LTF: variants seen among roughly 807,000 people sequenced by gnomAD.
LTF encodes epididymis luminal protein 110.
In LTF, 91 loss-of-function variants were observed where a neutral mutation model predicts 87.2. That is an observed-to-expected ratio of 1.04 (90% CI 0.88 to 1.24). The LOEUF (loss-of-function observed/expected upper bound fraction) is 1.24, where lower values mean the gene tolerates loss of function less well. LTF is among the 50% of genes most tolerant of loss of function. The pLI is 0.00. For missense variants in LTF, 901 were observed against 904.3 expected (o/e 1.00, Z 0.05); for synonymous variants, 378 against 356.1 (o/e 1.06, Z -0.69).
At chr3:46,458,660 C>T (rs1474350359) in intron 2 of LTF, among the ~76,000 whole-genome samples, 4 of 152,178 alleles carry the variant, frequency 2.6e-5, no homozygotes, top group South Asian at 2.1e-4. Flanking sequence ...CTGCAACCTC[C>T]CCCTCCCGGG....
chr3:46,462,527 T>TAAATA (rs1402777410), intron 1 of LTF, among the ~76,000 whole-genome samples: 5 of 152,176 alleles, frequency 3.3e-5, no homozygotes, highest in Non-Finnish European at 5.9e-5. Context: ...CTCTTACCAC[T>TAAATA]GGGCTAGCCT....
rs550410241 is a variant in LTF, at chr3:46,437,918, A to T, written c.2098+22T>A. On this transcript the variant is annotated intron_variant, in intron 16 of 16. Coordinates refer to ENST00000231751, the MANE Select transcript of LTF (RefSeq NM_002343.6). ...CTTCACCCATGGTGGTTTCTCGGGG[A>T]TGCTAGCTAGGGTCTACTTACGGGA... The T allele has an allele frequency of 2.5e-6, 4 of 1,603,526 alleles. No individual in the cohort carries two copies. In the Admixed American group the frequency reaches 7.0e-5, roughly 28 times the overall value.
At chr3:46,456,932 G>T (rs1463120602) in intron 2 of LTF, among the ~76,000 whole-genome samples, 1 of 152,216 alleles carries the variant, frequency 6.6e-6, no homozygotes, top group Non-Finnish European at 1.5e-5. Flanking sequence ...TCCACAGACA[G>T]ATGGGGAATG....
chr3:46,445,180 A>G, intron 12 of LTF, 101 bp downstream of exon 12: 1 of 1,232,686 alleles, frequency 8.1e-7, no homozygotes, highest in Non-Finnish European at 1.1e-6. Context: ...GCAGGCCACT[A>G]TCAGCCTGCA....
chr3:46,475,468 A>G (rs1404933965), intron 1 of LTF, among the ~76,000 whole-genome samples: 2 of 151,666 alleles, frequency 1.3e-5, no homozygotes, highest in African/African-American at 4.8e-5. Context: ...TATTCTTGGG[A>G]GAAACTCCCT....
upstream of LTF, chr3:46,468,330 G>A (rs1703241958): frequency 7.9e-5 from 36 of 456,616 alleles, no homozygotes; most frequent in South Asian, 5.6e-4. Context: ...CTGCAGGGAA[G>A]CAGAATGCAG....
intron 8 of LTF, among the ~76,000 whole-genome samples, chr3:46,449,362 G>C (rs1314641699): frequency 6.6e-6 from 1 of 152,156 alleles, no homozygotes; most frequent in African/African-American, 2.4e-5. Flanking sequence ...TGGCCTAGGG[G>C]ACCTTGAGCC....
At chr3:46,457,107 C>A (rs1702957757) in intron 2 of LTF, among the ~76,000 whole-genome samples, 1 of 152,222 alleles carries the variant, frequency 6.6e-6, no homozygotes, top group Non-Finnish European at 1.5e-5. Context: ...CAGTCATGCT[C>A]ACTGGCCCTC....
At chr3:46,470,244 C>A (rs1018490455) in intron 2 of LTF, 3 of 152,410 alleles carry the variant, frequency 2.0e-5, no homozygotes, top group East Asian at 1.9e-4. Context: ...TGGGGGAGAG[C>A]CTTCTGGGAA....
intron 9 of LTF, among the ~76,000 whole-genome samples, chr3:46,447,886 A>T (rs368595679): frequency 9.2e-5 from 14 of 152,198 alleles, no homozygotes; most frequent in African/African-American, 2.9e-4. Flanking sequence ...AGTAGTATGA[A>T]ACTTCCTCTT....
chr3:46,452,704 A>T (rs946831147), intron 6 of LTF, among the ~76,000 whole-genome samples: 1 of 152,250 alleles, frequency 6.6e-6, no homozygotes, highest in Non-Finnish European at 1.5e-5. Context: ...AATAGCTCAG[A>T]AACTGGTCCA....
In LTF at chr3:46,454,365, G is replaced by A. The variant is rs1288938781; in HGVS notation, c.648-5C>T. 6.2e-7 allele frequency: 1 copy of A among 1,613,956 alleles called. No individual in the cohort carries two copies. The highest frequency in any genetic ancestry group is 1.7e-5 in the Admixed American group (1 of 60,028). ...CCAGCCCCGTCTCTCAGACACCTGT[G>A]AAAAGAGAAACCATCAGGGGTAAGC... is the stretch of plus-strand genomic sequence containing the variant. On this transcript the variant is annotated splice_polypyrimidine_tract_variant and splice_region_variant and intron_variant, in intron 5 of 16. Coordinates refer to ENST00000231751, the MANE Select transcript of LTF (RefSeq NM_002343.6).
intron 1 of LTF, among the ~76,000 whole-genome samples, chr3:46,471,488 G>C (rs978872554): frequency 4.6e-5 from 7 of 152,208 alleles, no homozygotes; most frequent in Admixed American, 4.6e-4. Flanking sequence ...GTTCCAGGAG[G>C]GAAAGGACTG....
At chr3:46,445,962 C>CA (rs1702642913) in intron 11 of LTF, among the ~76,000 whole-genome samples, 2 of 152,230 alleles carry the variant, frequency 1.3e-5, no homozygotes. Flanking sequence ...GAGAATGCAT[C>CA]TGACAGACAC....
At chr3:46,454,096 A>G (rs908138863) in intron 6 of LTF, 31 of 577,472 alleles carry the variant, frequency 5.4e-5, no homozygotes, top group Non-Finnish European at 8.4e-5. Context: ...ATGGGTGTCT[A>G]TGAGGGGAAG....
chr3:46,455,532 G>A, intron 4 of LTF, 90 bp from the exon 5 acceptor site: 1 of 1,499,958 alleles, frequency 6.7e-7, no homozygotes, highest in Non-Finnish European at 9.2e-7. Context: ...CCGTGGGCAA[G>A]GCCCCTTCCT....
rs1404043953 is a variant in LTF at position 46,482,651 on chromosome 3, AGAAAGAAAGAAG to A, written c.-320+2323_-320+2334del. 6.9e-3 allele frequency among the ~76,000 whole-genome samples: 698 copies of A among 101,060 alleles called. 16 individuals are homozygous for A. The highest frequency in any genetic ancestry group is 0.018 in the African/African-American group (455 of 24,988). 66.3% of individuals were successfully genotyped at this position (101,060 alleles called of 152,430 possible). A position where few individuals can be genotyped will look rare whatever the true frequency, so the allele number is the denominator to read the frequency against. On this transcript the variant is annotated intron_variant, in intron 1 of 19. Transcript: ENST00000443496. ...AAGAAAGAAAGAAAGAAAGAAAGAA[AGAAAGAAAGAAG>A]GAAGGAAGGAAGGAAGGAAGGAAGG...
chr3:46,467,644 C>CTTTTTT (rs5848801), upstream of LTF, among the ~76,000 whole-genome samples: 2 of 123,040 alleles, frequency 1.6e-5, no homozygotes, highest in African/African-American at 3.0e-5. Context: ...CTTTTCTTTT[C>CTTTTTT]TTTTTTTTTT....
At chr3:46,444,862 T>C (rs1049407549) in intron 12 of LTF, among the ~76,000 whole-genome samples, 1 of 152,182 alleles carries the variant, frequency 6.6e-6, no homozygotes, top group African/African-American at 2.4e-5. Flanking sequence ...CGTTGCAGTG[T>C]AGAGTAAGCG....
Sources: allele counts gnomAD v4.1 joint callset (sites outside exome capture counted in the v4.1 genomes callset), GRCh38; gene constraint gnomAD v4.1.1; transcripts MANE v1.5; gene names NCBI Gene and HGNC (gene_info 2026-07-23, HGNC 2026-07-21).